GDPD4: variants seen among roughly 807,000 people sequenced by gnomAD.
GDPD4 encodes the protein glycerophosphodiester phosphodiesterase domain containing 4, also known as glycerophosphodiester phosphodiesterase 6.
GDPD4 carries 60 observed loss-of-function variants against 67.8 expected under a neutral mutation model. The ratio of observed to expected loss-of-function variants is 0.88; its 90% CI spans 0.72 to 1.10. The LOEUF (loss-of-function observed/expected upper bound fraction) is 1.10. Ranked by LOEUF, GDPD4 falls within the 50% of genes least tolerant of loss-of-function variation. GDPD4 has a pLI of 0.00. For missense variants in GDPD4, 623 were observed against 613.9 expected (o/e 1.01, Z -0.16); for synonymous variants, 212 against 210.9 (o/e 1.00, Z -0.04).
At chr11:77,264,398 C>T (rs1959167942) in intron 10 of GDPD4, among the ~76,000 whole-genome samples, 1 of 151,990 alleles carries the variant, frequency 6.6e-6, no homozygotes, top group Non-Finnish European at 1.5e-5. Context: ...GATCAAACAT[C>T]CTTTACAACT....
At chr11:77,226,835 A>G (rs1226591108) in intron 16 of GDPD4, among the ~76,000 whole-genome samples, 1 of 152,166 alleles carries the variant, frequency 6.6e-6, no homozygotes, top group African/African-American at 2.4e-5. Context: ...CAGCATATGA[A>G]AGACCATTGC....
intron 11 of GDPD4, among the ~76,000 whole-genome samples, chr11:77,252,050 GTTTGTTTTTTTTTTGTTTTTTT>G (rs1459300564): frequency 1.9e-4 from 14 of 71,928 alleles, no homozygotes; most frequent in Admixed American, 1.0e-3. Flanking sequence ...TTTTTTGTTT[GTTTGTTTTTTTTTTGTTTTTTT>G]TTTTTTTTTG....
intron 13 of GDPD4, among the ~76,000 whole-genome samples, 196 bp downstream of exon 13, chr11:77,243,498 T>G (rs1019995801): frequency 4.9e-5 from 6 of 122,432 alleles, no homozygotes; most frequent in African/African-American, 6.7e-5. Flanking sequence ...AGTCAACACT[T>G]GATAAATGTT....
chr11:77,270,153 A>G (rs1423887713), intron 7 of GDPD4, among the ~76,000 whole-genome samples, 193 bp from the exon 8 acceptor site: 1 of 152,156 alleles, frequency 6.6e-6, no homozygotes, highest in Admixed American at 6.5e-5. Flanking sequence ...CTCTTACTTA[A>G]AAAGGAGGAA....
rs199743675 is a variant in GDPD4 at position 77,227,933 on chromosome 11, CATCCATGAAATG to C, written c.1473-29_1473-18del. ...TCTCTCCGCCTAGAAGGAAGCAGACCATCCATGAAATGAAGGGGTCTAAAGAATCATGGTCTC... is the reference window on the plus strand; with the variant it reads ...TCTCTCCGCCTAGAAGGAAGCAGACCAAGGGGTCTAAAGAATCATGGTCTC... On this transcript the variant is annotated intron_variant, in intron 15 of 16. Coordinates refer to ENST00000315938, the MANE Select transcript of GDPD4 (RefSeq NM_182833.3). 1.6e-3 allele frequency: 2,502 copies of C among 1,597,624 alleles called. 31 individuals carry two copies. In the African/African-American group the frequency reaches 0.025, roughly 16 times the overall value.
At chr11:77,301,358 G>A (rs1362230664) in intron 1 of GDPD4, among the ~76,000 whole-genome samples, 2 of 152,190 alleles carry the variant, frequency 1.3e-5, no homozygotes, top group African/African-American at 4.8e-5. Context: ...TGGCATAGTC[G>A]AAGCTGATTT....
intron 4 of GDPD4, among the ~76,000 whole-genome samples, chr11:77,277,391 C>T (rs1190633051): frequency 4.6e-4 from 27 of 58,322 alleles, no homozygotes; most frequent in South Asian, 9.2e-4. Context: ...GCCATGTTTC[C>T]TTTTTTTTTT....
At chr11:77,273,017 T>A (rs968249647) in intron 5 of GDPD4, among the ~76,000 whole-genome samples, 8 of 152,252 alleles carry the variant, frequency 5.3e-5, no homozygotes, top group Middle Eastern at 3.4e-3. Flanking sequence ...TTTTAACACA[T>A]GAACCTATAT....
At chr11:77,292,444 A>G (rs934593138) in intron 1 of GDPD4, among the ~76,000 whole-genome samples, 8 of 152,180 alleles carry the variant, frequency 5.3e-5, no homozygotes, top group Admixed American at 5.2e-4. Context: ...TTTGTAAGGT[A>G]TAGTTAAAGC....
chr11:77,289,922 A>C, intron 1 of GDPD4, among the ~76,000 whole-genome samples: 1 of 152,176 alleles, frequency 6.6e-6, no homozygotes, highest in Non-Finnish European at 1.5e-5. Flanking sequence ...CCATAAAGTG[A>C]CCAAGTACTC....
intron 3 of GDPD4, among the ~76,000 whole-genome samples, chr11:77,279,629 T>C (rs1049512412): frequency 2.6e-5 from 4 of 151,980 alleles, no homozygotes; most frequent in Admixed American, 2.0e-4. Flanking sequence ...GGATCTTAAG[T>C]TACTTAGAAT....
intron 5 of GDPD4, among the ~76,000 whole-genome samples, chr11:77,274,746 GA>G (rs1959374448): frequency 6.6e-6 from 1 of 152,284 alleles, no homozygotes; most frequent in Middle Eastern, 3.4e-3. Flanking sequence ...TCAAGAGTTT[GA>G]AATGTTTCTG....
intron 7 of GDPD4, 21 bp downstream of exon 7, chr11:77,271,109 G>C (rs371043693): frequency 1.4e-4 from 211 of 1,528,196 alleles, no homozygotes; most frequent in Non-Finnish European, 1.9e-4. Flanking sequence ...AATAGGCAGG[G>C]TTCTGCCCTA....
At chr11:77,285,547 G>A (rs1032549195) in intron 2 of GDPD4, among the ~76,000 whole-genome samples, 6 of 152,126 alleles carry the variant, frequency 3.9e-5, no homozygotes, top group African/African-American at 1.4e-4. Flanking sequence ...GTTTTGTTCA[G>A]CAATTAATTT....
chr11:77,274,496 C>T (rs1281341661), intron 5 of GDPD4, among the ~76,000 whole-genome samples: 1 of 152,022 alleles, frequency 6.6e-6, no homozygotes, highest in African/African-American at 2.4e-5. Context: ...GGCCTGGCAC[C>T]TCCTCCTTCT....
intron 13 of GDPD4, among the ~76,000 whole-genome samples, chr11:77,235,031 T>TTTTTTTTTTTTTTTTA (rs1958531889): frequency 7.1e-6 from 1 of 140,090 alleles, no homozygotes; most frequent in Non-Finnish European, 1.6e-5. Flanking sequence ...TTTTTTTTTT[T>TTTTTTTTTTTTTTTTA]TTTTTTGACT....
chr11:77,264,831 T>C (rs1274666758), intron 10 of GDPD4, among the ~76,000 whole-genome samples: 1 of 152,118 alleles, frequency 6.6e-6, no homozygotes, highest in African/African-American at 2.4e-5. Context: ...TATACCTCTT[T>C]GGCATATTGA....
intron 15 of GDPD4, 89 bp downstream of exon 15, chr11:77,229,061 G>T: frequency 1.6e-6 from 1 of 619,712 alleles, no homozygotes; most frequent in South Asian, 2.6e-5. Context: ...GTGGGATTAC[G>T]GGAAGAGCGT....
chr11:77,293,401 A>G (rs544605915), intron 1 of GDPD4, among the ~76,000 whole-genome samples: 1 of 152,014 alleles, frequency 6.6e-6, no homozygotes, highest in South Asian at 2.1e-4. Context: ...CAAGACCAGC[A>G]TGGGCAACAT....
Sources: gnomAD v4.1 joint callset for allele counts (sites outside exome capture counted in the v4.1 genomes callset) on GRCh38, gnomAD v4.1.1 for gene constraint, MANE v1.5 for transcripts, NCBI Gene and HGNC (gene_info 2026-07-23, HGNC 2026-07-21) for gene names.